TDRD9: variants seen among roughly 807,000 people sequenced by gnomAD.
TDRD9 encodes the protein tudor domain containing 9.
Under a neutral mutation model 172.6 loss-of-function variants are expected in TDRD9, and 124 were observed. That is an observed-to-expected ratio of 0.72 (90% CI 0.62 to 0.83). TDRD9 has a LOEUF of 0.83. Ranked by LOEUF, TDRD9 falls within the 40% of genes least tolerant of loss-of-function variation. The pLI is 0.00. For synonymous variants in TDRD9, 619 were observed against 617.1 expected, an observed-to-expected ratio of 1.00 and a Z score of -0.05; for missense variants, 1,479 against 1,714.1, an observed-to-expected ratio of 0.86 and a Z score of 2.42.
At chr14:103,941,127 A>G (rs2031203444) in intron 1 of TDRD9, 2 of 1,513,266 alleles carry the variant, frequency 1.3e-6, no homozygotes, top group Non-Finnish European at 8.8e-7. Context: ...GGTAATGAAT[A>G]TTCAGTTTAG....
At chr14:104,025,503 A>G in intron 25 of TDRD9, 61 bp from the exon 26 acceptor site, 3 of 1,375,616 alleles carry the variant, frequency 2.2e-6, no homozygotes, top group South Asian at 1.2e-5. Context: ...ATTCAAGCTC[A>G]TTTTCCTCCT....
chr14:103,971,726 G>A (rs550593871), intron 6 of TDRD9, among the ~76,000 whole-genome samples: 1 of 152,258 alleles, frequency 6.6e-6, no homozygotes, highest in South Asian at 2.1e-4. Context: ...AACAGAGTAC[G>A]GATACTTTTT....
At chr14:104,015,167 A>T (rs1450671586) in intron 21 of TDRD9, among the ~76,000 whole-genome samples, 1 of 152,096 alleles carries the variant, frequency 6.6e-6, no homozygotes, top group Non-Finnish European at 1.5e-5. Context: ...CTTTTGTTTT[A>T]GCTTTTAAGA....
chr14:104,020,360 A>AT (rs1369942310), intron 23 of TDRD9, among the ~76,000 whole-genome samples: 1 of 152,180 alleles, frequency 6.6e-6, no homozygotes, highest in Non-Finnish European at 1.5e-5. Context: ...ACAGACGGGA[A>AT]GGAGGATGTC....
In TDRD9 at chr14:103,963,101, A is replaced by C; in HGVS notation, c.345A>C (p.Lys115Asn). 2 of 1,548,884 alleles carry C rather than the reference A, an allele frequency of 1.3e-6. No homozygotes were observed. The highest frequency in any genetic ancestry group is 1.7e-6 in the Non-Finnish European group (2 of 1,145,906). Residue 115 changes from lysine to asparagine, a missense_variant, in exon 3 of 36, where the codon AAA (lysine) becomes AAC (asparagine). By Grantham distance (94) the Lys-to-Asn change is moderately conservative. Transcript: ENST00000409874. ...CAGGTCCAAGGCCATCTTTGGCTAA[A>C]TTAAGCAGTGTGACATGCATCCCAG... ...SGPGPRPSLAKLSSVTCIPGT... is the reference protein window; with the variant it reads ...SGPGPRPSLANLSSVTCIPGT...
At chr14:103,957,509 G>A (rs779707702) in intron 2 of TDRD9, among the ~76,000 whole-genome samples, 7 of 152,204 alleles carry the variant, frequency 4.6e-5, no homozygotes, top group Non-Finnish European at 7.3e-5. Context: ...AAAGTTGTAC[G>A]TATAAGAATG....
chr14:103,961,939 G>A (rs2032530542), intron 2 of TDRD9, among the ~76,000 whole-genome samples: 1 of 152,186 alleles, frequency 6.6e-6, no homozygotes, highest in South Asian at 2.1e-4. Flanking sequence ...AGGAAGGGAA[G>A]GTGAGTCGTG....
In TDRD9 at chr14:104,006,557, A is replaced by G. The variant is rs1443787216; in HGVS notation, c.1879+3A>G. ...TCTAGATGAATGTCTTATTATAGGT[A>G]AGTGTGAGAACAAATAAATGCTAAT... is the stretch of plus-strand genomic sequence containing the variant. On this transcript the variant is annotated splice_donor_region_variant and intron_variant, in intron 16 of 35. Transcript: ENST00000409874. The G allele has an allele frequency of 2.5e-6, 4 of 1,613,038 alleles. No individual in the cohort carries two copies. The highest frequency in any genetic ancestry group is 1.1e-5 in the South Asian group (1 of 91,036).
intron 13 of TDRD9, among the ~76,000 whole-genome samples, chr14:103,999,643 A>ACATTTAATCTTTTAATTTTCCTG (rs1566771643): frequency 7.7e-6 from 1 of 130,470 alleles, no homozygotes. Flanking sequence ...TGTTTTTTAG[A>ACATTTAATCTTTTAATTTTCCTG]AAACCTTTTG....
intron 7 of TDRD9, among the ~76,000 whole-genome samples, chr14:103,976,507 C>G (rs184651506): frequency 2.3e-3 from 356 of 152,122 alleles, no homozygotes; most frequent in Admixed American, 3.8e-3. Flanking sequence ...ATGATCCGCC[C>G]GCCTCAGCCT....
In TDRD9 at chr14:104,022,207, C is replaced by T. The variant is rs1007154296; in HGVS notation, c.2483C>T (p.Pro828Leu). The T allele has an allele frequency of 2.1e-5, 34 of 1,583,986 alleles. No homozygotes were observed. The Admixed American group carries it at 2.8e-4, about 13-fold the overall frequency. ...CCAACAGAGAGATTTAAAACCCTTCCTGCAGTATATATGGCAATTAAGATG... is the reference window on the plus strand; with the variant it reads ...CCAACAGAGAGATTTAAAACCCTTCTTGCAGTATATATGGCAATTAAGATG... ...RNPTERFKTL[P>L]AVYMAIKMSQ... is the part of the protein sequence containing the mutation. Residue 828 changes from proline (P) to leucine (L), a missense_variant, in exon 24 of 36, where the codon CCT (proline) becomes CTT (leucine). Coordinates refer to ENST00000409874, the MANE Select transcript of TDRD9 (RefSeq NM_153046.3).
At chr14:104,017,084 T>G (rs1279007032) in intron 22 of TDRD9, among the ~76,000 whole-genome samples, 1 of 152,130 alleles carries the variant, frequency 6.6e-6, no homozygotes, top group African/African-American at 2.4e-5. Flanking sequence ...CTGCTCCTGC[T>G]GGCCATCAGG....
chr14:103,934,392 T>C (rs1192150792), intron 1 of TDRD9, among the ~76,000 whole-genome samples: 1 of 152,242 alleles, frequency 6.6e-6, no homozygotes, highest in Non-Finnish European at 1.5e-5. Context: ...AAAAAAGTGC[T>C]GGTGCATGTT....
Position 104,006,700 on chromosome 14 carries a change from A to T in TDRD9, c.1934A>T (p.Asp645Val), listed in dbSNP as rs1490383372. 2 of 1,613,798 alleles carry T rather than the reference A, an allele frequency of 1.2e-6. No individual in the cohort carries two copies. The highest frequency in any genetic ancestry group is 2.7e-5 in the African/African-American group (2 of 74,916). Residue 645 changes from aspartate (D) to valine (V), a missense_variant, in exon 17 of 36, where the codon GAT becomes GTT. Physicochemically the swap from Asp to Val is radical, Grantham distance 152. Transcript: ENST00000409874. ...FFAMPFRQHL[D>V]GYRNKVNFSG... ...GCAATGCCTTTCCGGCAGCATCTCGATGGATATAGGTACTGAACATTCATA... is the reference window on the plus strand; with the variant it reads ...GCAATGCCTTTCCGGCAGCATCTCGTTGGATATAGGTACTGAACATTCATA...
intron 14 of TDRD9, 100 bp from the exon 15 acceptor site, chr14:104,005,161 TCTTCTCTCCTCTC>T (rs1257099002): frequency 2.6e-5 from 28 of 1,080,352 alleles, no homozygotes; most frequent in Non-Finnish European, 3.5e-5. Flanking sequence ...CATTTTTCTT[TCTTCTCTCCTCTC>T]CTTCTCTCCT....
In TDRD9 at chr14:104,022,239, C is replaced by T; in HGVS notation, c.2515C>T (p.Leu839=). ...ATATATGGCAATTAAGATGTCTCAA[C>T]TAAAAGTTTCACTTGAACTCAGCGT... The part of the protein sequence containing the change: ...AVYMAIKMSQ[L]KVSLELSVHS... Residue 839 remains leucine, a synonymous_variant, in exon 24 of 36, where the codon CTA becomes TTA. Coordinates refer to ENST00000409874, the MANE Select transcript of TDRD9 (RefSeq NM_153046.3). 1.9e-6 allele frequency: 3 copies of T among 1,609,992 alleles called. No individual in the cohort carries two copies. Among genetic ancestry groups the T allele is most frequent in the Non-Finnish European group, 2.5e-6 (3 of 1,178,080 alleles).
intron 1 of TDRD9, among the ~76,000 whole-genome samples, chr14:103,950,765 A>G (rs2031831270): frequency 6.6e-6 from 1 of 152,232 alleles, no homozygotes; most frequent in Non-Finnish European, 1.5e-5. Flanking sequence ...GGAGTCATTA[A>G]TGTTAAAACC....
chr14:103,992,961 G>A (rs1421692843), intron 9 of TDRD9, among the ~76,000 whole-genome samples: 1 of 145,882 alleles, frequency 6.9e-6, no homozygotes, highest in East Asian at 2.0e-4. Context: ...CCTAACATGA[G>A]ATAAATACTC....
chr14:103,959,851 T>C (rs1367597746), intron 2 of TDRD9, among the ~76,000 whole-genome samples: 4 of 152,242 alleles, frequency 2.6e-5, no homozygotes, highest in Admixed American at 6.5e-5. Context: ...AGCCTAGTTC[T>C]AGGTTGTCGA....
Sources: gnomAD v4.1 joint callset for allele counts (sites outside exome capture counted in the v4.1 genomes callset) on GRCh38, gnomAD v4.1.1 for gene constraint, MANE v1.5 for transcripts, NCBI Gene and HGNC (gene_info 2026-07-23, HGNC 2026-07-21) for gene names.